The following TMEM132E variants were observed in gnomAD, a reference collection of about 807,000 sequenced individuals.
The protein encoded by TMEM132E is transmembrane protein 132E.
Under a neutral mutation model 78.5 loss-of-function variants are expected in TMEM132E, and 49 were observed. The observed-to-expected ratio is 0.62, with a 90% CI of 0.50 to 0.79. The LOEUF (loss-of-function observed/expected upper bound fraction) is 0.79, where lower values mean the gene tolerates loss of function less well. TMEM132E is among the 30% of genes least tolerant of loss of function. TMEM132E has a pLI of 0.00. For synonymous variants in TMEM132E, 715 were observed against 670.6 expected (o/e 1.07, Z -1.02); for missense variants, 1,403 against 1,470.9 (o/e 0.95, Z 0.75).
Position 34,626,467 on chromosome 17 carries a change from C to T in TMEM132E, c.408C>T (p.Pro136=). 8 of 1,612,910 alleles carry T rather than the reference C, an allele frequency of 5.0e-6. No individual in the cohort carries two copies. Among genetic ancestry groups the T allele is most frequent in the Non-Finnish European group, 6.8e-6 (8 of 1,179,826 alleles). ...VRAFIVRSHV[P]ASQPVVQVLF... ...CCTTCATCGTCCGCTCGCACGTGCCCGCCTCGCAGCCCGTGGTCCAGGTGC... is the reference window on the plus strand; with the variant it reads ...CCTTCATCGTCCGCTCGCACGTGCCTGCCTCGCAGCCCGTGGTCCAGGTGC... Residue 136 remains proline (P), a synonymous_variant, in exon 2 of 9, where the codon CCC becomes CCT. Transcript: ENST00000631683.
chr17:34,634,874 G>C lies in TMEM132E; in HGVS notation c.1764G>C (p.Leu588=). The change falls in exon 7 of 9, where the codon CTG becomes CTC. Residue 588 remains leucine (L), a synonymous_variant. Transcript: ENST00000631683. The part of the protein sequence containing the change: ...RRQSASRGCT[L]QYQHATLQVF... Reference sequence around the variant, plus strand: ...AGAGTGCAAGCCGTGGCTGCACCCTGCAGTACCAGCATGCCACCCTGCAGG... The same window carrying C: ...AGAGTGCAAGCCGTGGCTGCACCCTCCAGTACCAGCATGCCACCCTGCAGG... 6.2e-7 allele frequency: 1 copy of C among 1,614,168 alleles called. No homozygotes were observed. The highest frequency in any genetic ancestry group is 8.5e-7 in the Non-Finnish European group (1 of 1,180,042).
chr17:34,591,162 T>G (rs7503875), intron 1 of TMEM132E, among the ~76,000 whole-genome samples: 91,863 of 151,406 alleles, frequency 0.61, 28,220 homozygotes, highest in African/African-American at 0.7. Context: ...AGCAGCCAAC[T>G]CCTGGAGAGC....
At chr17:34,617,216 G>A (rs989686174) in intron 1 of TMEM132E, among the ~76,000 whole-genome samples, 6 of 152,230 alleles carry the variant, frequency 3.9e-5, no homozygotes, top group Non-Finnish European at 7.3e-5. Flanking sequence ...AAGAAGCTGA[G>A]GCCCAGAGAA....
intron 7 of TMEM132E, 52 bp from the exon 8 acceptor site, chr17:34,635,955 A>AG (rs945809084): frequency 2.2e-6 from 3 of 1,333,612 alleles, no homozygotes; most frequent in Non-Finnish European, 2.9e-6. Context: ...GGTCTTGGGC[A>AG]GGGGGGTGTG....
rs112911830 is a variant in TMEM132E at position 34,589,612 on chromosome 17, G to A, written c.67+8469G>A. ...CAGGTGTGGGGGTCCTTGTGTTCAGGGACTGCAAAGTCAACTTCTTCTGAG... is the reference window on the plus strand; with the variant it reads ...CAGGTGTGGGGGTCCTTGTGTTCAGAGACTGCAAAGTCAACTTCTTCTGAG... On this transcript the variant is annotated intron_variant, in intron 1 of 8. Transcript: ENST00000631683. Among the ~76,000 whole-genome samples, 516 of 152,226 alleles carry A rather than the reference G, an allele frequency of 3.4e-3. 2 individuals are homozygous for A. The highest frequency in any genetic ancestry group is 0.012 in the African/African-American group (485 of 41,532).
chr17:34,636,672 T>C (rs1018917461), intron 8 of TMEM132E, among the ~76,000 whole-genome samples: 6 of 152,118 alleles, frequency 3.9e-5, no homozygotes, highest in Non-Finnish European at 8.8e-5. Context: ...ACTCACTCCA[T>C]CACCCCAAGG....
At chr17:34,604,909 A>G (rs1906363177) in intron 1 of TMEM132E, among the ~76,000 whole-genome samples, 1 of 152,208 alleles carries the variant, frequency 6.6e-6, no homozygotes, top group African/African-American at 2.4e-5. Context: ...CAGGTGGCTG[A>G]GGCTCAGCAA....
chr17:34,628,207 T>C (rs1472305841), intron 2 of TMEM132E, among the ~76,000 whole-genome samples: 1 of 152,224 alleles, frequency 6.6e-6, no homozygotes, highest in Non-Finnish European at 1.5e-5. Flanking sequence ...CTGTTTTAGC[T>C]CAGCTACATC....
At chr17:34,594,506 G>T (rs1905988547) in intron 1 of TMEM132E, among the ~76,000 whole-genome samples, 1 of 152,340 alleles carries the variant, frequency 6.6e-6, no homozygotes, top group East Asian at 1.9e-4. Flanking sequence ...TTGCTGTAAT[G>T]AATAAATGAG....
chr17:34,635,944 G>A (rs953417369), intron 7 of TMEM132E, 63 bp from the exon 8 acceptor site: 7 of 1,314,066 alleles, frequency 5.3e-6, no homozygotes, highest in Non-Finnish European at 4.9e-6. Flanking sequence ...CCCTAGCTGG[G>A]GGTCTTGGGC....
chr17:34,600,587 T>C (rs2142059401), intron 1 of TMEM132E, among the ~76,000 whole-genome samples: 1 of 152,118 alleles, frequency 6.6e-6, no homozygotes, highest in African/African-American at 2.4e-5. Flanking sequence ...TTTATGGAGA[T>C]GGCAAAGTAG....
intron 1 of TMEM132E, among the ~76,000 whole-genome samples, chr17:34,621,503 G>A (rs1169025490): frequency 6.6e-6 from 1 of 152,134 alleles, no homozygotes; most frequent in African/African-American, 2.4e-5. Context: ...AGATACGGAG[G>A]GTTAGGATCT....
Position 34,638,510 on chromosome 17 carries a change from A to C in TMEM132E, c.*278A>C. 2.8e-6 allele frequency: 1 copy of C among 358,868 alleles called. No individual in the cohort carries two copies. The highest frequency in any genetic ancestry group is 5.0e-6 in the Non-Finnish European group (1 of 200,762). 22.2% of individuals were successfully genotyped at this position (358,868 alleles called of 1,614,324 possible). On this transcript the variant is annotated 3_prime_UTR_variant, in exon 9 of 9. Transcript: ENST00000631683. ...CCAGCCTCTGTTCTGCCCTTTCCAA[A>C]CCTCCTCCCATCTTAAGCAACCCCC...
At chr17:34,634,771 C>G (rs747175956) in intron 6 of TMEM132E, 28 bp from the exon 7 acceptor site, 8 of 1,591,040 alleles carry the variant, frequency 5.0e-6, no homozygotes, top group Admixed American at 1.8e-5. Context: ...AGGTGAGAAG[C>G]CTTCAGCATG....
At chr17:34,609,497 C>T (rs1191391907) in intron 1 of TMEM132E, among the ~76,000 whole-genome samples, 1 of 152,266 alleles carries the variant, frequency 6.6e-6, no homozygotes, top group South Asian at 2.1e-4. Flanking sequence ...AGCTGGAGAA[C>T]TTAATTACAG....
In TMEM132E at chr17:34,629,914, T is replaced by TG. The variant is rs5820093; in HGVS notation, c.1339-86dup. 0.58 allele frequency: 705,966 copies of TG among 1,206,976 alleles called. 193,184 individuals carry two copies. The highest frequency in any genetic ancestry group is 0.85 in the East Asian group (26,234 of 31,042). The allele number at this position is 1,206,976 out of a possible 1,614,324, so 74.8% of individuals were successfully genotyped here. A position where few individuals can be genotyped will look rare whatever the true frequency, so the allele number is the denominator to read the frequency against. On this transcript the variant is annotated intron_variant, in intron 4 of 8. Coordinates refer to ENST00000631683, the MANE Select transcript of TMEM132E (RefSeq NM_001304438.2). ...ACTGGAAGGATGTGCATCTGAGGAG[T>TG]GGGGGGGGAGCGTCCAGGAGCTGGG...
intron 1 of TMEM132E, among the ~76,000 whole-genome samples, chr17:34,585,454 G>A (rs959713092): frequency 1.3e-5 from 2 of 152,232 alleles, no homozygotes; most frequent in African/African-American, 4.8e-5. Context: ...GTAGTAGCGG[G>A]CAGGGTCTCA....
At chr17:34,612,491 A>G (rs1325340619) in intron 1 of TMEM132E, among the ~76,000 whole-genome samples, 1 of 152,180 alleles carries the variant, frequency 6.6e-6, no homozygotes. Context: ...TAGGAGTGTG[A>G]GTTCCAAAGC....
chr17:34,585,562 C>G (rs931846248), intron 1 of TMEM132E, among the ~76,000 whole-genome samples: 3 of 152,202 alleles, frequency 2.0e-5, no homozygotes, highest in Admixed American at 2.0e-4. Flanking sequence ...AGGGAAGGGA[C>G]TGGCCAAGCT....
Sources: gnomAD v4.1 joint callset for allele counts (sites outside exome capture counted in the v4.1 genomes callset) on GRCh38, gnomAD v4.1.1 for gene constraint, MANE v1.5 for transcripts, NCBI Gene and HGNC (gene_info 2026-07-23, HGNC 2026-07-21) for gene names.